CHSY3: variants seen among roughly 807,000 people sequenced by gnomAD.
CHSY3 encodes the protein chondroitin sulfate synthase 3.
A neutral mutation model predicts 67.2 loss-of-function variants in CHSY3; 35 were observed. The observed-to-expected ratio is 0.52, with a 90% CI of 0.40 to 0.69. The LOEUF (loss-of-function observed/expected upper bound fraction) is 0.69, where lower values mean the gene tolerates loss of function less well. CHSY3 is among the 30% of genes least tolerant of loss of function. The pLI is 0.00. For synonymous variants in CHSY3, 474 were observed against 434.7 expected (o/e 1.09, Z -1.12); for missense variants, 1,069 against 1,138.5 (o/e 0.94, Z 0.88).
At chr5:130,054,534 T>C (rs1444871817) in intron 2 of CHSY3, among the ~76,000 whole-genome samples, 1 of 152,168 alleles carries the variant, frequency 6.6e-6, no homozygotes, top group Admixed American at 6.5e-5. Context: ...CACTACCATG[T>C]GCTGGCCCTG....
chr5:129,963,853 C>A (rs1283341990), intron 2 of CHSY3, among the ~76,000 whole-genome samples: 1 of 151,504 alleles, frequency 6.6e-6, no homozygotes, highest in Non-Finnish European at 1.5e-5. Context: ...CATGTGTGTG[C>A]ATATATGTAT....
intron 2 of CHSY3, among the ~76,000 whole-genome samples, chr5:130,143,730 GTGTGTA>G (rs1408331829): frequency 9.6e-6 from 1 of 104,524 alleles, no homozygotes; most frequent in Admixed American, 1.0e-4. Context: ...ATGTGTGTGT[GTGTGTA>G]TATATATATA....
intron 2 of CHSY3, chr5:130,052,264 T>G (rs764187432): frequency 9.2e-5 from 14 of 152,054 alleles, no homozygotes; most frequent in Non-Finnish European, 1.9e-4. Context: ...TAATCTATAG[T>G]GAGGAGTAGT....
At chr5:129,920,263 A>T (rs113401833) in intron 2 of CHSY3, among the ~76,000 whole-genome samples, 3 of 152,152 alleles carry the variant, frequency 2.0e-5, no homozygotes, top group African/African-American at 7.2e-5. Context: ...TTTTGTTTTG[A>T]GACAGAGTCT....
intron 2 of CHSY3, among the ~76,000 whole-genome samples, chr5:129,940,782 T>G (rs1395269908): frequency 6.6e-6 from 1 of 152,098 alleles, no homozygotes; most frequent in Non-Finnish European, 1.5e-5. Flanking sequence ...CATATATATA[T>G]GTTTTTTCAC....
chr5:130,125,954 C>A (rs1371932649), intron 2 of CHSY3, among the ~76,000 whole-genome samples: 1 of 152,132 alleles, frequency 6.6e-6, no homozygotes, highest in African/African-American at 2.4e-5. Flanking sequence ...TGTTGCTTCC[C>A]AGCTCTCAAT....
In CHSY3 at chr5:130,147,037, G is replaced by A. The variant is rs570384296; in HGVS notation, c.1087-37192G>A. The stretch of plus-strand genomic sequence containing the variant: ...ATGAACTCCTGACCTTAAGTGATCC[G>A]CCCACCTCGGCCTCCCAAAATGTTG... On this transcript the variant is annotated intron_variant, in intron 2 of 2. Transcript: ENST00000305031. Among the ~76,000 whole-genome samples, 9 of 152,118 alleles carry A rather than the reference G, an allele frequency of 5.9e-5. No homozygotes were observed. The South Asian group carries it at 6.2e-4, about 11-fold the overall frequency.
intron 2 of CHSY3, among the ~76,000 whole-genome samples, chr5:129,969,309 T>C (rs747271368): frequency 3.3e-5 from 5 of 151,838 alleles, no homozygotes; most frequent in Non-Finnish European, 7.4e-5. Context: ...TTCCAATATG[T>C]TTAAAGTAGT....
At chr5:129,908,519 C>G (rs1396769505) in intron 2 of CHSY3, among the ~76,000 whole-genome samples, 159 bp downstream of exon 2, 1 of 152,130 alleles carries the variant, frequency 6.6e-6, no homozygotes, top group Non-Finnish European at 1.5e-5. Flanking sequence ...ATAACTTTCT[C>G]ATTAGGTGTC....
chr5:130,069,537 AT>A (rs1407347634), intron 2 of CHSY3, among the ~76,000 whole-genome samples: 1 of 151,860 alleles, frequency 6.6e-6, no homozygotes, highest in Non-Finnish European at 1.5e-5. Context: ...ACATGGAACA[AT>A]TTTCTCACAT....
chr5:130,018,251 A>G (rs1056817216), intron 2 of CHSY3, among the ~76,000 whole-genome samples: 1 of 152,172 alleles, frequency 6.6e-6, no homozygotes, highest in African/African-American at 2.4e-5. Flanking sequence ...TTTAAATCTT[A>G]TTGTTTAAAT....
chr5:130,067,714 G>T (rs1347781126), intron 2 of CHSY3, among the ~76,000 whole-genome samples: 1 of 152,072 alleles, frequency 6.6e-6, no homozygotes, highest in Non-Finnish European at 1.5e-5. Flanking sequence ...AAGGTGAAAG[G>T]AATGTTTAGG....
intron 2 of CHSY3, 107 bp downstream of exon 2, chr5:129,908,467 G>T: frequency 6.9e-7 from 1 of 1,456,538 alleles, no homozygotes; most frequent in Non-Finnish European, 9.2e-7. Flanking sequence ...GTATTTACTT[G>T]AAAGTGATAG....
At chr5:130,103,670 A>T (rs910778891) in intron 2 of CHSY3, among the ~76,000 whole-genome samples, 11 of 152,130 alleles carry the variant, frequency 7.2e-5, no homozygotes, top group African/African-American at 2.6e-4. Context: ...ACTGACAATG[A>T]AATGTTTTTC....
chr5:129,980,981 C>T lies in CHSY3; in HGVS notation c.1086+72621C>T, dbSNP rs527358868. 4.1e-5 allele frequency among the ~76,000 whole-genome samples: 6 copies of T among 147,496 alleles called. No homozygotes were observed. The South Asian group carries it at 6.4e-4, about 16-fold the overall frequency. On this transcript the variant is annotated intron_variant, in intron 2 of 2. Transcript: ENST00000305031. ...CAGCACTTTGGGAGGCCGAGGCGGG[C>T]GGATTACGAGGTAAGGAGATCGAGA... is the stretch of plus-strand genomic sequence containing the variant.
intron 2 of CHSY3, among the ~76,000 whole-genome samples, chr5:130,138,099 A>G (rs184158371): frequency 6.6e-6 from 1 of 152,220 alleles, no homozygotes; most frequent in African/African-American, 2.4e-5. Context: ...TTCAAGAAAA[A>G]TATTTCTGTA....
chr5:130,008,605 G>C (rs1763955397), intron 2 of CHSY3, among the ~76,000 whole-genome samples: 1 of 152,106 alleles, frequency 6.6e-6, no homozygotes, highest in African/African-American at 2.4e-5. Flanking sequence ...CCCCAGCAAT[G>C]GTTCATAATC....
At chr5:130,019,013 C>A (rs1764291444) in intron 2 of CHSY3, among the ~76,000 whole-genome samples, 2 of 152,080 alleles carry the variant, frequency 1.3e-5, no homozygotes, top group South Asian at 4.1e-4. Context: ...CACCAGAAAC[C>A]AAGCAGATGC....
At chr5:130,113,248 A>G (rs1200095252) in intron 2 of CHSY3, among the ~76,000 whole-genome samples, 3 of 152,154 alleles carry the variant, frequency 2.0e-5, no homozygotes, top group Non-Finnish European at 4.4e-5. Context: ...CCTTCCAGTA[A>G]TATTTCAGCT....
Sources: allele counts gnomAD v4.1 joint callset (sites outside exome capture counted in the v4.1 genomes callset), GRCh38; gene constraint gnomAD v4.1.1; transcripts MANE v1.5; gene names NCBI Gene and HGNC (gene_info 2026-07-23, HGNC 2026-07-21).